The following PFKFB4 variants were observed in gnomAD, a reference collection of about 807,000 sequenced individuals.
The protein encoded by PFKFB4 is 6-phosphofructo-2-kinase/fructose-2,6-bisphosphatase 4.
Under a neutral mutation model 62.8 loss-of-function variants are expected in PFKFB4, and 42 were observed. The observed-to-expected ratio is 0.67, with a 90% CI of 0.52 to 0.86. The LOEUF (loss-of-function observed/expected upper bound fraction) is 0.86. Among genes scored for constraint, PFKFB4 ranks in the 40% least tolerant of loss-of-function variants. PFKFB4 has a pLI of 0.00. For synonymous variants in PFKFB4, 204 were observed against 240.7 expected, an observed-to-expected ratio of 0.85 and a Z score of 1.41; for missense variants, 475 against 627.2, an observed-to-expected ratio of 0.76 and a Z score of 2.59.
intron 9 of PFKFB4, 145 bp downstream of exon 9, chr3:48,535,367 C>T (rs936613387): frequency 5.3e-5 from 39 of 729,570 alleles, no homozygotes; most frequent in Non-Finnish European, 7.9e-5. Flanking sequence ...CTGCCTTTTC[C>T]TCTCTGCTCC....
chr3:48,539,247 T>C lies in PFKFB4; in HGVS notation c.510+7A>G. 1.2e-6 allele frequency: 2 copies of C among 1,610,320 alleles called. No individual in the cohort carries two copies. The highest frequency in any genetic ancestry group is 1.7e-5 in the Admixed American group (1 of 59,980). On this transcript the variant is annotated splice_region_variant and intron_variant, in intron 6 of 13. Transcript: ENST00000232375. ...GACCTTCTGACAAGGTCAGATGCAC[T>C]ACTCACCACGATGTTGGCAGCTATG...
rs150347619 is a variant in PFKFB4 at position 48,535,309 on chromosome 3, C to T, written c.987+203G>A. On this transcript the variant is annotated intron_variant, in intron 9 of 13. Coordinates refer to ENST00000232375, the MANE Select transcript of PFKFB4 (RefSeq NM_004567.4). ...AGGTTGAGGTGTCAACTCCCAGGCT[C>T]ACTCCTGAGAATGGTCTAGGGCTCA... Among the ~76,000 whole-genome samples, 457 of 152,220 alleles carry T rather than the reference C, an allele frequency of 3.0e-3. 2 individuals carry two copies. The highest frequency in any genetic ancestry group is 0.01 in the African/African-American group (434 of 41,526).
At chr3:48,546,080 C>A (rs9810549) in intron 3 of PFKFB4, among the ~76,000 whole-genome samples, 7,917 of 151,970 alleles carry the variant, frequency 0.052, 267 homozygotes, top group East Asian at 0.11. Flanking sequence ...GTGCATGAAT[C>A]CACACGTGTG....
intron 1 of PFKFB4, among the ~76,000 whole-genome samples, chr3:48,550,512 T>G (rs1199876655): frequency 6.6e-6 from 1 of 152,038 alleles, no homozygotes. Flanking sequence ...AGGCATAAAG[T>G]CAACCGAACT....
chr3:48,559,266 G>A (rs2043395348), upstream of PFKFB4, among the ~76,000 whole-genome samples: 1 of 152,218 alleles, frequency 6.6e-6, no homozygotes, highest in Admixed American at 6.5e-5. Context: ...AAGGCCACAG[G>A]TCAACATCAG....
intron 7 of PFKFB4, 110 bp downstream of exon 7, chr3:48,538,388 T>C: frequency 7.4e-7 from 1 of 1,360,480 alleles, no homozygotes; most frequent in Non-Finnish European, 1.0e-6. Flanking sequence ...TCAGACCATC[T>C]CTGCTTTTTG....
chr3:48,532,884 T>A (rs974136415), intron 9 of PFKFB4, among the ~76,000 whole-genome samples: 2 of 152,128 alleles, frequency 1.3e-5, no homozygotes, highest in Non-Finnish European at 2.9e-5. Context: ...ACAACATGGA[T>A]GAACCTTGAG....
Position 48,527,001 on chromosome 3 carries a change from G to C in PFKFB4, c.988-1332C>G, listed in dbSNP as rs577275694. Among the ~76,000 whole-genome samples the C allele has an allele frequency of 6.6e-5, 10 of 151,634 alleles. No homozygotes were observed. The South Asian group carries it at 2.1e-3, about 32-fold the overall frequency. On this transcript the variant is annotated intron_variant, in intron 9 of 13. Transcript: ENST00000232375. ...CAGACAGACATACATAGGGAAGAAAGCCATGTGATGACCGTGGACAGAGGT... is the reference window on the plus strand; with the variant it reads ...CAGACAGACATACATAGGGAAGAAACCCATGTGATGACCGTGGACAGAGGT...
At chr3:48,546,640 T>C (rs1230341800) in intron 3 of PFKFB4, among the ~76,000 whole-genome samples, 1 of 152,340 alleles carries the variant, frequency 6.6e-6, no homozygotes, top group South Asian at 2.1e-4. Flanking sequence ...TTGGCCAGGG[T>C]TGGGGAACTT....
upstream of PFKFB4, among the ~76,000 whole-genome samples, chr3:48,560,236 G>A (rs1354556654): frequency 1.3e-5 from 2 of 152,192 alleles, no homozygotes; most frequent in African/African-American, 2.4e-5. Context: ...CCCAGCATGT[G>A]CAGAGACAGG....
chr3:48,549,838 C>G (rs761529557), intron 3 of PFKFB4, 26 bp downstream of exon 3: 1 of 1,415,576 alleles, frequency 7.1e-7, no homozygotes, highest in Non-Finnish European at 1.0e-6. Flanking sequence ...GCAACCTCTC[C>G]CCCCACACCC....
At chr3:48,543,524 G>A (rs1211866085) in intron 4 of PFKFB4, 56 bp downstream of exon 4, 1 of 1,477,348 alleles carries the variant, frequency 6.8e-7, no homozygotes, top group Non-Finnish European at 9.3e-7. Context: ...CAAAGGCACA[G>A]ATGTGGATGG....
chr3:48,522,814 G>A (rs976897778), intron 12 of PFKFB4, among the ~76,000 whole-genome samples: 7 of 151,318 alleles, frequency 4.6e-5, no homozygotes, highest in East Asian at 2.0e-4. Flanking sequence ...AGGCTGGAGT[G>A]CAGTGGTGCG....
intron 9 of PFKFB4, among the ~76,000 whole-genome samples, chr3:48,526,553 A>T (rs1283077964): frequency 6.6e-6 from 1 of 151,130 alleles, no homozygotes; most frequent in Non-Finnish European, 1.5e-5. Flanking sequence ...AGCCTGGGGA[A>T]GAGAATGAGA....
chr3:48,558,512 G>A (rs554837013), upstream of PFKFB4, among the ~76,000 whole-genome samples: 1 of 152,312 alleles, frequency 6.6e-6, no homozygotes, highest in South Asian at 2.1e-4. Flanking sequence ...CCACAGCCCT[G>A]CCTTGGATCA....
intron 10 of PFKFB4, among the ~76,000 whole-genome samples, chr3:48,525,364 C>T (rs1251804347): frequency 1.3e-5 from 2 of 152,184 alleles, no homozygotes; most frequent in African/African-American, 4.8e-5. Flanking sequence ...GCCCACTCCA[C>T]ACCTGAGGAA....
In PFKFB4 at chr3:48,556,643, G is replaced by A. The variant is rs755665930; in HGVS notation, c.97+38C>T. 6.3e-7 allele frequency: 1 copy of A among 1,589,552 alleles called. No homozygotes were observed. Among genetic ancestry groups the A allele is most frequent in the Admixed American group, 1.7e-5 (1 of 57,356 alleles). On this transcript the variant is annotated intron_variant, in intron 1 of 13. Transcript: ENST00000232375. This position sits in a 1 kb window ranked among gnomAD's most constrained non-coding sequence, Gnocchi z 5.7. ...CAGGCCGCCCTACCCACCCATCCCG[G>A]TGCACCTCCCACCTCCTCCCAGAGG...
At position 48,538,588 on chromosome 3, in the gene PFKFB4, T is replaced by C. The variant is rs146141332; in HGVS notation, c.542A>G (p.Asn181Ser). Residue 181 changes from asparagine to serine, a missense_variant, in exon 7 of 14, where the codon AAC becomes AGC. Coordinates refer to ENST00000232375, the MANE Select transcript of PFKFB4 (RefSeq NM_004567.4). ...CTCCGTAGCCTCATCACTGTCGCGG[T>C]TGACATAGTCAGGGCTGCCCAGTTT... is the stretch of plus-strand genomic sequence containing the variant. The part of the protein sequence containing the change: ...QVKLGSPDYV[N>S]RDSDEATEDF... 39 of 1,614,086 alleles carry C rather than the reference T, an allele frequency of 2.4e-5. No individual in the cohort carries two copies. Among genetic ancestry groups the C allele is most frequent in the African/African-American group, 8.0e-5 (6 of 74,936 alleles).
At chr3:48,549,690 C>T (rs576727206) in intron 3 of PFKFB4, among the ~76,000 whole-genome samples, 174 bp downstream of exon 3, 3 of 152,188 alleles carry the variant, frequency 2.0e-5, no homozygotes, top group South Asian at 2.1e-4. Context: ...CCTTGTCACA[C>T]AGCCCTGTCA....
Sources: gnomAD v4.1 joint callset for allele counts (sites outside exome capture counted in the v4.1 genomes callset) on GRCh38, gnomAD v4.1.1 for gene constraint, Gnocchi (gnomAD v3.1) non-coding constraint, MANE v1.5 for transcripts, NCBI Gene and HGNC (gene_info 2026-07-23, HGNC 2026-07-21) for gene names.